Variants in RBFOX1 observed in about 807,000 individuals in gnomAD.
The protein encoded by RBFOX1 is RNA binding fox-1 homolog 1.
In RBFOX1, 8 loss-of-function variants were observed where a neutral mutation model predicts 57.7. That is an observed-to-expected ratio of 0.14 (90% CI 0.08 to 0.25). The LOEUF is 0.25. Among genes scored for constraint, RBFOX1 ranks in the 10% least tolerant of loss-of-function variants. The pLI is 1.00. For missense variants in RBFOX1, 611 were observed against 548.5 expected (o/e 1.11, Z -1.14); for synonymous variants, 326 against 222.4 (o/e 1.47, Z -4.15).
intron 4 of RBFOX1, among the ~76,000 whole-genome samples, chr16:7,144,030 T>C (rs2074388502): frequency 1.3e-5 from 2 of 152,218 alleles, no homozygotes; most frequent in African/African-American, 4.8e-5. Context: ...TGTGTAGTTT[T>C]CAAGGTCCGT....
intron 2 of RBFOX1, among the ~76,000 whole-genome samples, chr16:6,574,890 T>TAGC (rs1278772623): frequency 2.7e-5 from 4 of 150,312 alleles, no homozygotes; most frequent in African/African-American, 9.8e-5. Context: ...TACAAAAAAT[T>TAGC]TGGCAGGCGT....
intron 1 of RBFOX1, chr16:5,270,113 G>A (rs185371488): frequency 7.9e-6 from 2 of 253,458 alleles, no homozygotes; most frequent in East Asian, 1.0e-4. Flanking sequence ...TGGCCAAAAT[G>A]GTGAAACCCT....
chr16:5,864,778 C>T (rs909877307), intron 3 of RBFOX1, among the ~76,000 whole-genome samples: 5 of 152,070 alleles, frequency 3.3e-5, no homozygotes, highest in East Asian at 1.9e-4. Context: ...TGGCTAGAAC[C>T]GTGTTTTGCC....
intron 4 of RBFOX1, among the ~76,000 whole-genome samples, chr16:7,517,868 T>A (rs1374057456): frequency 1.3e-5 from 2 of 151,462 alleles, no homozygotes; most frequent in African/African-American, 4.9e-5. Context: ...GACCCTCATG[T>A]CTTTGAATAT....
At chr16:7,570,975 T>C (rs537473775) in intron 5 of RBFOX1, among the ~76,000 whole-genome samples, 1 of 152,236 alleles carries the variant, frequency 6.6e-6, no homozygotes, top group Admixed American at 6.5e-5. Context: ...AGCAAACTGA[T>C]GCAGGAACAG....
chr16:7,166,237 T>TTCCTA (rs1601629185), intron 4 of RBFOX1, among the ~76,000 whole-genome samples: 1 of 150,830 alleles, frequency 6.6e-6, no homozygotes, highest in Non-Finnish European at 1.5e-5. Flanking sequence ...TGGTCTCGAA[T>TTCCTA]TCCTATCCTC....
At chr16:6,558,842 C>G (rs1009778879) in intron 2 of RBFOX1, among the ~76,000 whole-genome samples, 1 of 136,600 alleles carries the variant, frequency 7.3e-6, no homozygotes, top group African/African-American at 2.7e-5. Context: ...ACTTTTACTT[C>G]CCCAAACATA....
intron 3 of RBFOX1, among the ~76,000 whole-genome samples, chr16:6,901,004 C>T (rs372268269): frequency 2.0e-5 from 3 of 152,198 alleles, no homozygotes; most frequent in Admixed American, 1.3e-4. Flanking sequence ...AGAAAGACTT[C>T]CTGATATCCC....
At chr16:5,438,523 T>C (rs1352447450) in intron 1 of RBFOX1, among the ~76,000 whole-genome samples, 1 of 152,202 alleles carries the variant, frequency 6.6e-6, no homozygotes, top group Non-Finnish European at 1.5e-5. Context: ...TCACCAGATA[T>C]GCCCCCTGTT....
chr16:6,950,796 T>C (rs1336465960), intron 3 of RBFOX1, among the ~76,000 whole-genome samples: 4 of 152,210 alleles, frequency 2.6e-5, no homozygotes, highest in African/African-American at 9.6e-5. Context: ...GAATGCTCTA[T>C]CACAACAGAT....
intron 3 of RBFOX1, among the ~76,000 whole-genome samples, chr16:6,913,886 C>T (rs1306456936): frequency 1.3e-5 from 2 of 152,174 alleles, no homozygotes; most frequent in African/African-American, 4.8e-5. Context: ...AGGTGCCAGT[C>T]TCAACTGTGT....
chr16:7,685,644 G>C (rs1568452751), intron 14 of RBFOX1, among the ~76,000 whole-genome samples: 1 of 152,080 alleles, frequency 6.6e-6, no homozygotes. Flanking sequence ...ACATATTTTG[G>C]AATGTATGCT....
intron 4 of RBFOX1, chr16:7,304,543 C>CCG (rs972012182): frequency 6.1e-6 from 6 of 985,210 alleles, no homozygotes; most frequent in Admixed American, 1.2e-4. Context: ...AGATGGGTCC[C>CCG]CGCGCGTACT....
At chr16:6,119,472 C>A (rs2096532173) in intron 1 of RBFOX1, among the ~76,000 whole-genome samples, 1 of 152,084 alleles carries the variant, frequency 6.6e-6, no homozygotes, top group Non-Finnish European at 1.5e-5. Context: ...TTGTTTTTAA[C>A]CTTTGAACTT....
At chr16:6,103,100 A>C (rs996656642) in intron 1 of RBFOX1, among the ~76,000 whole-genome samples, 1 of 152,202 alleles carries the variant, frequency 6.6e-6, no homozygotes, top group East Asian at 1.9e-4. Context: ...TAGGAGATGA[A>C]CAGTAGCACT....
intron 3 of RBFOX1, among the ~76,000 whole-genome samples, chr16:5,830,299 C>T (rs2056218431): frequency 6.6e-6 from 1 of 152,058 alleles, no homozygotes; most frequent in Non-Finnish European, 1.5e-5. Flanking sequence ...ATCATTTTAG[C>T]CCAGCATAGG....
chr16:7,693,342 T>C (rs771731322), intron 14 of RBFOX1: 1 of 1,613,282 alleles, frequency 6.2e-7, no homozygotes, highest in Non-Finnish European at 8.5e-7. Flanking sequence ...TTGCAGCAGA[T>C]GAAATTTCTT....
At chr16:6,581,319 C>T (rs1296252182) in intron 2 of RBFOX1, among the ~76,000 whole-genome samples, 6 of 152,210 alleles carry the variant, frequency 3.9e-5, no homozygotes, top group Non-Finnish European at 7.3e-5. Flanking sequence ...CCCTGTGAAG[C>T]ATGAACCCAG....
At chr16:7,000,599 T>TCTTTC (rs201376316) in intron 3 of RBFOX1, among the ~76,000 whole-genome samples, 2 of 120,212 alleles carry the variant, frequency 1.7e-5, no homozygotes, top group South Asian at 5.8e-4. Flanking sequence ...TTTCTTTCTT[T>TCTTTC]TTTTTTTTTT....
Sources: allele counts gnomAD v4.1 joint callset (sites outside exome capture counted in the v4.1 genomes callset), GRCh38; gene constraint gnomAD v4.1.1; transcripts MANE v1.5; gene names NCBI Gene and HGNC (gene_info 2026-07-23, HGNC 2026-07-21).